Variants in MYO3A observed in about 807,000 individuals in gnomAD.
MYO3A encodes myosin IIIA, also known as myosin-IIIa.
In MYO3A, 180 loss-of-function variants were observed where a neutral mutation model predicts 192.7. The ratio of observed to expected loss-of-function variants is 0.93; its 90% CI spans 0.83 to 1.06. MYO3A has a LOEUF of 1.06. Among genes scored for constraint, MYO3A ranks in the 50% least tolerant of loss-of-function variants. MYO3A has a pLI of 0.00. For synonymous variants in MYO3A, 628 were observed against 645.3 expected (o/e 0.97, Z 0.41); for missense variants, 1,896 against 1,905.0 (o/e 1.00, Z 0.09).
chr10:25,962,291 T>G (rs1837981773), intron 4 of MYO3A, among the ~76,000 whole-genome samples: 1 of 152,196 alleles, frequency 6.6e-6, no homozygotes, highest in Non-Finnish European at 1.5e-5. Flanking sequence ...ATGAATGATA[T>G]ACAAGGACTC....
At chr10:25,938,370 A>G (rs1382482458) in intron 2 of MYO3A, among the ~76,000 whole-genome samples, 1 of 152,096 alleles carries the variant, frequency 6.6e-6, no homozygotes. Context: ...AGAACACAGG[A>G]AAGTCAGAAA....
At chr10:26,102,120 T>C (rs1837491635) in intron 17 of MYO3A, among the ~76,000 whole-genome samples, 1 of 152,224 alleles carries the variant, frequency 6.6e-6, no homozygotes, top group African/African-American at 2.4e-5. Flanking sequence ...TTCTCTAAAC[T>C]TCTCTTCTCG....
intron 29 of MYO3A, among the ~76,000 whole-genome samples, chr10:26,171,109 G>A (rs969505199): frequency 6.6e-6 from 1 of 152,130 alleles, no homozygotes; most frequent in Non-Finnish European, 1.5e-5. Context: ...TGTAAAATGT[G>A]TTAACTCTGC....
At position 26,096,449 on chromosome 10, in the gene MYO3A, A is replaced by G. The variant is rs1316227169; in HGVS notation, c.1631A>G (p.His544Arg). ...TTGGCTGAAAAGAAGAAACTAGCCCATTACAAACTGCCTGAAAATAAGCCT... is the reference window on the plus strand; with the variant it reads ...TTGGCTGAAAAGAAGAAACTAGCCCGTTACAAACTGCCTGAAAATAAGCCT... ...AGLAEKKKLA[H>R]YKLPENKPPR... The change falls in exon 16 of 35, where the codon CAT (histidine) becomes CGT (arginine). Residue 544 changes from histidine (H) to arginine (R), a missense_variant. Coordinates refer to ENST00000642920, the MANE Select transcript of MYO3A (RefSeq NM_017433.5). The G allele has an allele frequency of 3.1e-6, 5 of 1,613,790 alleles. No individual in the cohort carries two copies. Among genetic ancestry groups the G allele is most frequent in the Non-Finnish European group, 4.2e-6 (5 of 1,179,886 alleles).
At chr10:26,156,811 G>A (rs895329189) in intron 25 of MYO3A, among the ~76,000 whole-genome samples, 4 of 152,066 alleles carry the variant, frequency 2.6e-5, no homozygotes, top group East Asian at 1.9e-4. Flanking sequence ...CCCAGTACCC[G>A]TTAGTTATGT....
chr10:26,162,494 G>A (rs902357765), intron 26 of MYO3A, among the ~76,000 whole-genome samples: 2 of 152,036 alleles, frequency 1.3e-5, no homozygotes, highest in Non-Finnish European at 2.9e-5. Context: ...ACATTTCTTG[G>A]AGTGAAGCAA....
chr10:26,211,850 G>A lies in MYO3A; in HGVS notation c.4738G>A (p.Ala1580Thr). The A allele has an allele frequency of 6.2e-7, 1 of 1,614,082 alleles. No individual in the cohort carries two copies. Among genetic ancestry groups the A allele is most frequent in the Non-Finnish European group, 8.5e-7 (1 of 1,180,020 alleles). The change falls in exon 35 of 35, where the codon GCG becomes ACG. Residue 1580 changes from alanine to threonine, a missense_variant. Ala to Thr is a moderately conservative substitution (Grantham distance 58). Coordinates refer to ENST00000642920, the MANE Select transcript of MYO3A (RefSeq NM_017433.5). ...QCIKANERCW[A>T]AESPEKEEER... Reference sequence around the variant, plus strand: ...CCTGGGTTTCACTTGCAGGTGCTGGGCGGCGGAGAGCCCCGAGAAGGAGGA... The same window carrying A: ...CCTGGGTTTCACTTGCAGGTGCTGGACGGCGGAGAGCCCCGAGAAGGAGGA...
chr10:25,984,494 C>T (rs1303187395), intron 4 of MYO3A, among the ~76,000 whole-genome samples: 3 of 152,326 alleles, frequency 2.0e-5, no homozygotes, highest in East Asian at 3.9e-4. Flanking sequence ...ACCACCTCCT[C>T]CAGCCTCCCG....
chr10:26,032,230 A>G (rs906980922), intron 10 of MYO3A, among the ~76,000 whole-genome samples: 3 of 152,282 alleles, frequency 2.0e-5, no homozygotes, highest in Non-Finnish European at 2.9e-5. Flanking sequence ...CCCAGCATCT[A>G]TGGTTTTCAG....
At chr10:25,996,212 CT>C in intron 4 of MYO3A, among the ~76,000 whole-genome samples, 1 of 152,356 alleles carries the variant, frequency 6.6e-6, no homozygotes, top group African/African-American at 2.4e-5. Flanking sequence ...GCGGGTGCCC[CT>C]CCCCATAATT....
chr10:25,936,998 ACCTC>A, intron 2 of MYO3A, among the ~76,000 whole-genome samples: 1 of 152,076 alleles, frequency 6.6e-6, no homozygotes, highest in African/African-American at 2.4e-5. Context: ...AAAATGCAGA[ACCTC>A]ATATAGAAGT....
intron 17 of MYO3A, among the ~76,000 whole-genome samples, chr10:26,103,531 T>A (rs571703248): frequency 7.2e-5 from 11 of 152,354 alleles, no homozygotes; most frequent in Non-Finnish European, 1.6e-4. Flanking sequence ...TTCATTTTTT[T>A]ATTGTTAAAT....
chr10:26,211,062 C>T (rs1386477264), intron 34 of MYO3A, among the ~76,000 whole-genome samples: 2 of 152,148 alleles, frequency 1.3e-5, no homozygotes, highest in African/African-American at 4.8e-5. Context: ...CTGGTGTTTT[C>T]AAGTTGTCTG....
intron 20 of MYO3A, among the ~76,000 whole-genome samples, chr10:26,141,442 C>G (rs116785935): frequency 0.012 from 1,834 of 152,228 alleles, 51 homozygotes; most frequent in African/African-American, 0.042. Context: ...GTCCCTAATA[C>G]TAACAAGTGT....
At chr10:26,064,200 GAA>G (rs1209917744) in intron 10 of MYO3A, among the ~76,000 whole-genome samples, 1 of 152,098 alleles carries the variant, frequency 6.6e-6, no homozygotes, top group Non-Finnish European at 1.5e-5. Context: ...GGCTCACCAG[GAA>G]AAGACTCTGA....
chr10:26,099,451 A>G (rs1439373577), intron 17 of MYO3A, among the ~76,000 whole-genome samples: 1 of 152,176 alleles, frequency 6.6e-6, no homozygotes, highest in Non-Finnish European at 1.5e-5. Context: ...CACTATGTTG[A>G]ATAGGAGTGG....
chr10:26,060,307 A>G (rs1834382516), intron 10 of MYO3A, among the ~76,000 whole-genome samples: 1 of 44,068 alleles, frequency 2.3e-5, no homozygotes, highest in Non-Finnish European at 7.4e-5. Context: ...ATAAATTTAA[A>G]AAATACAAAA....
chr10:26,053,757 G>C (rs1389541675), intron 10 of MYO3A, among the ~76,000 whole-genome samples: 1 of 152,044 alleles, frequency 6.6e-6, no homozygotes, highest in Non-Finnish European at 1.5e-5. Context: ...CCTGGGAGGT[G>C]ACGTTTGCAG....
chr10:25,965,028 CT>C (rs1166473257), intron 4 of MYO3A, among the ~76,000 whole-genome samples: 1 of 152,106 alleles, frequency 6.6e-6, no homozygotes, highest in Admixed American at 6.5e-5. Context: ...TTTTAGGATC[CT>C]TTATGTATCC....
Sources: allele counts gnomAD v4.1 joint callset (sites outside exome capture counted in the v4.1 genomes callset), GRCh38; gene constraint gnomAD v4.1.1; transcripts MANE v1.5; gene names NCBI Gene and HGNC (gene_info 2026-07-23, HGNC 2026-07-21).